FRRS1L: variants seen among roughly 807,000 people sequenced by gnomAD.
The protein encoded by FRRS1L is ferric chelate reductase 1 like.
FRRS1L carries 22 observed loss-of-function variants against 28.6 expected under a neutral mutation model. The ratio of observed to expected loss-of-function variants is 0.77; its 90% CI spans 0.55 to 1.10. The LOEUF is 1.10. Ranked by LOEUF, FRRS1L falls within the 50% of genes least tolerant of loss-of-function variation. The pLI, the probability that FRRS1L is intolerant of heterozygous loss-of-function variation, is 0.00. For missense variants in FRRS1L, 380 were observed against 386.9 expected (o/e 0.98, Z 0.15); for synonymous variants, 158 against 151.4 (o/e 1.04, Z -0.32).
chr9:109,159,831 A>T (rs1831458816), intron 1 of FRRS1L, among the ~76,000 whole-genome samples: 1 of 152,200 alleles, frequency 6.6e-6, no homozygotes, highest in African/African-American at 2.4e-5. Flanking sequence ...ACTTGCAAAC[A>T]TCAGCTCATC....
Position 109,167,051 on chromosome 9 carries a change from G to C in FRRS1L, c.88C>G (p.Pro30Ala). The C allele has an allele frequency of 1.7e-6, 2 of 1,191,200 alleles. No homozygotes were observed. Among genetic ancestry groups the C allele is most frequent in the Non-Finnish European group, 2.1e-6 (2 of 965,160 alleles). 73.8% of individuals were successfully genotyped at this position (1,191,200 alleles called of 1,614,324 possible). Reference sequence around the variant, plus strand: ...CCCGGGCCCGCACCGTCGTCCGCGGGGCTGGCTGCGCAGGCGGCGGGCCCC... The same window carrying C: ...CCCGGGCCCGCACCGTCGTCCGCGGCGCTGGCTGCGCAGGCGGCGGGCCCC... ...LTGPAACAAS[P>A]ADDGAGPGGR... The change falls in exon 1 of 5, where the codon CCC becomes GCC. Residue 30 changes from proline to alanine, a missense_variant. By Grantham distance (27) the Pro-to-Ala change is conservative (BLOSUM62 -1). Coordinates refer to ENST00000561981, the MANE Select transcript of FRRS1L (RefSeq NM_014334.4).
chr9:109,148,387 T>C (rs1831289907), intron 2 of FRRS1L: 1 of 152,190 alleles, frequency 6.6e-6, no homozygotes, highest in African/African-American at 2.4e-5. Context: ...TATGCAGACA[T>C]TCATGTTTTT....
At chr9:109,144,938 G>C (rs563951487) in intron 3 of FRRS1L, among the ~76,000 whole-genome samples, 2 of 152,252 alleles carry the variant, frequency 1.3e-5, no homozygotes, top group Non-Finnish European at 2.9e-5. Context: ...ACCTGCCTTG[G>C]CCTCAGTTAG....
At chr9:109,164,421 G>A (rs1486782070) in intron 1 of FRRS1L, among the ~76,000 whole-genome samples, 4 of 133,940 alleles carry the variant, frequency 3.0e-5, no homozygotes, top group South Asian at 4.7e-4. Context: ...TTTTGAGACC[G>A]AGTCTCACTC....
chr9:109,134,311 T>C lies in FRRS1L; in HGVS notation c.*3144A>G, dbSNP rs1185208659. 2 of 152,346 alleles carry C rather than the reference T, an allele frequency of 1.3e-5. No individual in the cohort carries two copies. Among genetic ancestry groups the C allele is most frequent in the Non-Finnish European group, 2.9e-5 (2 of 68,076 alleles). 9.4% of individuals were successfully genotyped at this position (152,346 alleles called of 1,614,324 possible). A position where few individuals can be genotyped will look rare whatever the true frequency, so the allele number is the denominator to read the frequency against. On this transcript the variant is annotated 3_prime_UTR_variant, in exon 5 of 5. Coordinates refer to ENST00000561981, the MANE Select transcript of FRRS1L (RefSeq NM_014334.4). The stretch of plus-strand genomic sequence containing the variant: ...GATAACAAGGAGGACAAGCCAGCAA[T>C]TCTAGAAAAGTATAACGAGCATGTT...
At chr9:109,164,676 G>A (rs1392955585) in intron 1 of FRRS1L, among the ~76,000 whole-genome samples, 2 of 152,204 alleles carry the variant, frequency 1.3e-5, no homozygotes, top group Non-Finnish European at 2.9e-5. Context: ...GATTACAGTC[G>A]TGAAGCACCA....
intron 3 of FRRS1L, among the ~76,000 whole-genome samples, chr9:109,146,204 C>CAAAA (rs201605666): frequency 0.055 from 8,413 of 151,978 alleles, 366 homozygotes; most frequent in East Asian, 0.13. Context: ...TCTCAACAAA[C>CAAAA]AAACAAACAA....
intron 1 of FRRS1L, among the ~76,000 whole-genome samples, chr9:109,163,089 C>A (rs916536311): frequency 1.3e-5 from 2 of 152,244 alleles, no homozygotes; most frequent in Non-Finnish European, 2.9e-5. Context: ...CAGGGAGAAG[C>A]AAGCTTCATT....
At chr9:109,140,322 C>T (rs143056343) in intron 4 of FRRS1L, 244 of 152,258 alleles carry the variant, frequency 1.6e-3, no homozygotes, top group South Asian at 4.0e-3. Context: ...GGCATAGTGG[C>T]GCATGACTGT....
intron 3 of FRRS1L, among the ~76,000 whole-genome samples, chr9:109,145,776 A>G (rs1476797813): frequency 6.6e-6 from 1 of 152,136 alleles, no homozygotes; most frequent in Non-Finnish European, 1.5e-5. Flanking sequence ...GAACAGATGG[A>G]GGTGCCTGAA....
chr9:109,135,926 T>G lies in FRRS1L; in HGVS notation c.*1529A>C, dbSNP rs1189931599. 6.6e-6 allele frequency: 1 copy of G among 152,102 alleles called. No homozygotes were observed. Among genetic ancestry groups the G allele is most frequent in the Non-Finnish European group, 1.5e-5 (1 of 68,028 alleles). 9.4% of individuals were successfully genotyped at this position (152,102 alleles called of 1,614,324 possible). On this transcript the variant is annotated 3_prime_UTR_variant, in exon 5 of 5. Coordinates refer to ENST00000561981, the MANE Select transcript of FRRS1L (RefSeq NM_014334.4). The stretch of plus-strand genomic sequence containing the variant: ...GCCCTAAATTTTTACTAAGATGTTT[T>G]GTCTGATATAACACATTTTTAGGCC...
intron 1 of FRRS1L, among the ~76,000 whole-genome samples, chr9:109,155,837 G>C (rs1482655760): frequency 6.6e-6 from 1 of 152,114 alleles, no homozygotes; most frequent in Non-Finnish European, 1.5e-5. Context: ...TTCTTTGGGG[G>C]ATGATGCAAA....
intron 1 of FRRS1L, among the ~76,000 whole-genome samples, chr9:109,163,064 T>C (rs1831498680): frequency 6.6e-6 from 1 of 152,240 alleles, no homozygotes; most frequent in Admixed American, 6.5e-5. Flanking sequence ...TTCCCAAACC[T>C]GGCCATCTTA....
At chr9:109,139,869 T>C (rs185330952) in intron 4 of FRRS1L, 7 of 152,196 alleles carry the variant, frequency 4.6e-5, no homozygotes, top group Non-Finnish European at 1.5e-5. Context: ...AACAACCAGA[T>C]CAGATTAGGC....
Position 109,147,107 on chromosome 9 carries a change from G to C in FRRS1L, c.406C>G (p.Leu136Val). 6.2e-7 allele frequency: 1 copy of C among 1,613,528 alleles called. No individual in the cohort carries two copies. Among genetic ancestry groups the C allele is most frequent in the Non-Finnish European group, 8.5e-7 (1 of 1,179,428 alleles). ...RMIGADVEFE[L>V]SADTDGWVAV... The stretch of plus-strand genomic sequence containing the variant: ...ACCCAACCATCTGTGTCTGCACTCA[G>C]CTCAAATTCTACATCAGCCCCTATC... The change falls in exon 3 of 5, where the codon CTG becomes GTG. Residue 136 changes from leucine to valine, a missense_variant. Coordinates refer to ENST00000561981, the MANE Select transcript of FRRS1L (RefSeq NM_014334.4).
chr9:109,141,576 A>ACATCAT lies in FRRS1L; in HGVS notation c.470_475dup (p.Asp157_Asp158dup), dbSNP rs771637763. 1 of 1,613,354 alleles carries ACATCAT rather than the reference A, an allele frequency of 6.2e-7. No homozygotes were observed. The highest frequency in any genetic ancestry group is 8.5e-7 in the Non-Finnish European group (1 of 1,179,406). On this transcript the variant is annotated inframe_insertion, in exon 4 of 5. Coordinates refer to ENST00000561981, the MANE Select transcript of FRRS1L (RefSeq NM_014334.4). ...ATTGTCATCATGGACGCAGGCCATG[A>ACATCAT]CATCATCACCACCCTAACATGAGAA...
At chr9:109,145,721 A>G (rs371459240) in intron 3 of FRRS1L, among the ~76,000 whole-genome samples, 3 of 150,808 alleles carry the variant, frequency 2.0e-5, no homozygotes, top group Admixed American at 6.6e-5. Flanking sequence ...CTAAAAAATA[A>G]AAAAAACCCA....
chr9:109,156,659 GATTACAGGC>G (rs967350065), intron 1 of FRRS1L, among the ~76,000 whole-genome samples: 1 of 148,712 alleles, frequency 6.7e-6, no homozygotes, highest in African/African-American at 2.5e-5. Context: ...AAAGTGCTGG[GATTACAGGC>G]ATGAGCCACT....
intron 3 of FRRS1L, among the ~76,000 whole-genome samples, chr9:109,146,141 G>T (rs1176829043): frequency 6.6e-6 from 1 of 152,100 alleles, no homozygotes; most frequent in Non-Finnish European, 1.5e-5. Flanking sequence ...AGGCTGCAAT[G>T]AGCCAAGGTC....
Sources: gnomAD v4.1 joint callset for allele counts (sites outside exome capture counted in the v4.1 genomes callset) on GRCh38, gnomAD v4.1.1 for gene constraint, MANE v1.5 for transcripts, NCBI Gene and HGNC (gene_info 2026-07-23, HGNC 2026-07-21) for gene names.